CSMD3: variants seen among roughly 807,000 people sequenced by gnomAD.
CSMD3 encodes CUB and sushi domain-containing protein 3.
A neutral mutation model predicts 435.2 loss-of-function variants in CSMD3; 177 were observed. That is an observed-to-expected ratio of 0.41 (90% confidence interval 0.36 to 0.46). The LOEUF (loss-of-function observed/expected upper bound fraction) is 0.46. Ranked by LOEUF, CSMD3 falls within the 20% of genes least tolerant of loss-of-function variation. CSMD3 has a pLI of 0.34. For synonymous variants in CSMD3, 1,656 were observed against 1,520.5 expected (o/e 1.09, Z -2.07); for missense variants, 4,265 against 4,504.6 (o/e 0.95, Z 1.52).
intron 13 of CSMD3, among the ~76,000 whole-genome samples, chr8:112,715,272 A>G (rs954668827): frequency 3.3e-5 from 5 of 152,176 alleles, no homozygotes; most frequent in African/African-American, 1.2e-4. Context: ...AATACAAACT[A>G]CCATCAGAGA....
chr8:113,176,426 G>C (rs1243707064), intron 3 of CSMD3, among the ~76,000 whole-genome samples: 1 of 151,886 alleles, frequency 6.6e-6, no homozygotes, highest in Admixed American at 6.6e-5. Flanking sequence ...ATTTTCAAAG[G>C]CAAAGCAAGT....
intron 7 of CSMD3, among the ~76,000 whole-genome samples, chr8:112,967,493 GT>G (rs1244648432): frequency 3.3e-5 from 5 of 151,410 alleles, no homozygotes; most frequent in African/African-American, 9.7e-5. Flanking sequence ...TTAACTAGCT[GT>G]TTTTTTTCCT....
chr8:112,494,734 T>A (rs1821165584), intron 30 of CSMD3, among the ~76,000 whole-genome samples: 2 of 152,026 alleles, frequency 1.3e-5, no homozygotes, highest in African/African-American at 2.4e-5. Flanking sequence ...GCATGCTGTA[T>A]AAAGAGAAGC....
chr8:112,625,040 A>G (rs531098581), intron 22 of CSMD3, among the ~76,000 whole-genome samples: 16 of 150,044 alleles, frequency 1.1e-4, no homozygotes, highest in South Asian at 8.4e-4. Context: ...ATTCGAGAGG[A>G]AAAAAAAAGA....
intron 1 of CSMD3, among the ~76,000 whole-genome samples, chr8:113,404,896 A>T (rs192387794): frequency 2.0e-5 from 3 of 151,520 alleles, no homozygotes; most frequent in Admixed American, 6.6e-5. Context: ...TCCCTTAAAA[A>T]ATATAAATTA....
intron 10 of CSMD3, among the ~76,000 whole-genome samples, chr8:112,899,490 T>C (rs916309658): frequency 6.9e-6 from 1 of 145,966 alleles, no homozygotes; most frequent in Non-Finnish European, 1.5e-5. Flanking sequence ...AAGCATTCAC[T>C]AAAGACTTCT....
intron 3 of CSMD3, among the ~76,000 whole-genome samples, chr8:113,218,466 CAAA>C (rs35840130): frequency 1.4e-4 from 13 of 94,818 alleles, no homozygotes; most frequent in South Asian, 6.1e-4. Context: ...TAAAGTGCTA[CAAA>C]AAAAAAAAAA....
At chr8:112,502,853 G>A (rs1202026481) in intron 30 of CSMD3, among the ~76,000 whole-genome samples, 2 of 151,806 alleles carry the variant, frequency 1.3e-5, no homozygotes, top group South Asian at 2.1e-4. Context: ...GATAACTTGA[G>A]GTGAATTATT....
intron 35 of CSMD3, among the ~76,000 whole-genome samples, chr8:112,398,909 T>C (rs1288688030): frequency 6.6e-6 from 1 of 151,960 alleles, no homozygotes; most frequent in Non-Finnish European, 1.5e-5. Context: ...CAAACGTTAC[T>C]TGATTAAACT....
At chr8:112,717,829 T>A (rs919902840) in intron 13 of CSMD3, among the ~76,000 whole-genome samples, 2 of 151,852 alleles carry the variant, frequency 1.3e-5, no homozygotes, top group Admixed American at 6.6e-5. Flanking sequence ...ACCAAACACC[T>A]CATGTTCTCA....
At chr8:113,363,931 A>G (rs2094294500) in intron 1 of CSMD3, among the ~76,000 whole-genome samples, 1 of 152,154 alleles carries the variant, frequency 6.6e-6, no homozygotes, top group African/African-American at 2.4e-5. Context: ...GATTGTATCT[A>G]AAAGTTATTA....
intron 10 of CSMD3, among the ~76,000 whole-genome samples, chr8:112,880,587 A>G (rs1180500127): frequency 6.6e-6 from 1 of 152,072 alleles, no homozygotes; most frequent in Non-Finnish European, 1.5e-5. Flanking sequence ...AGCACATTGA[A>G]TACAGAAAAA....
intron 36 of CSMD3, among the ~76,000 whole-genome samples, chr8:112,386,536 C>G (rs528967752): frequency 2.6e-5 from 4 of 152,066 alleles, no homozygotes; most frequent in Non-Finnish European, 4.4e-5. Flanking sequence ...CTCGCTCTGT[C>G]GCCCAGGATG....
chr8:112,983,512 A>T (rs2085130069), intron 6 of CSMD3, among the ~76,000 whole-genome samples: 1 of 150,756 alleles, frequency 6.6e-6, no homozygotes, highest in Non-Finnish European at 1.5e-5. Flanking sequence ...TGCCCAAAAA[A>T]ATTATTCTCT....
At chr8:112,920,924 C>T (rs2082716915) in intron 10 of CSMD3, among the ~76,000 whole-genome samples, 1 of 149,896 alleles carries the variant, frequency 6.7e-6, no homozygotes, top group Non-Finnish European at 1.5e-5. Context: ...TATATACACA[C>T]ACACACACAC....
chr8:112,647,197 T>G (rs570967042), intron 19 of CSMD3, among the ~76,000 whole-genome samples: 2 of 152,306 alleles, frequency 1.3e-5, no homozygotes, highest in African/African-American at 4.8e-5. Context: ...TTTACTCATG[T>G]TTGATTTTGT....
chr8:112,671,199 C>T (rs2075647421), intron 16 of CSMD3, among the ~76,000 whole-genome samples: 1 of 152,066 alleles, frequency 6.6e-6, no homozygotes, highest in African/African-American at 2.4e-5. Flanking sequence ...ATTCAAGACC[C>T]TCCTTCCCAC....
At chr8:113,246,789 C>A (rs2093280566) in intron 3 of CSMD3, among the ~76,000 whole-genome samples, 1 of 152,160 alleles carries the variant, frequency 6.6e-6, no homozygotes, top group Non-Finnish European at 1.5e-5. Context: ...AAAAGTCACT[C>A]TTCCCTGATG....
chr8:113,346,361 T>G (rs2094151114), intron 1 of CSMD3, among the ~76,000 whole-genome samples: 7 of 152,044 alleles, frequency 4.6e-5, no homozygotes, highest in Admixed American at 3.9e-4. Flanking sequence ...AAACCATAAA[T>G]GTAAGATGAA....
Sources: gnomAD v4.1 joint callset for allele counts (sites outside exome capture counted in the v4.1 genomes callset) on GRCh38, gnomAD v4.1.1 for gene constraint, MANE v1.5 for transcripts, NCBI Gene and HGNC (gene_info 2026-07-23, HGNC 2026-07-21) for gene names.